Variants in GALNT15 observed in about 807,000 individuals in gnomAD.
The protein encoded by GALNT15 is UDP-GalNAc transferase T15.
Under a neutral mutation model 66.8 loss-of-function variants are expected in GALNT15, and 67 were observed. That is an observed-to-expected ratio of 1.00 (90% confidence interval 0.82 to 1.23). GALNT15 has a LOEUF of 1.23. GALNT15 is among the 50% of genes most tolerant of loss of function. GALNT15 has a pLI of 0.00. For missense variants in GALNT15, 827 were observed against 804.3 expected (o/e 1.03, Z -0.34); for synonymous variants, 313 against 311.5 (o/e 1.00, Z -0.05).
chr3:16,228,880 T>C lies in GALNT15; in HGVS notation c.*1380T>C, dbSNP rs1434325714. ...CCCCCAAATGTGTCCACAGGTTGAA[T>C]GTCCATGAGTGTGGGAAGAACACGG... On this transcript the variant is annotated 3_prime_UTR_variant, in exon 10 of 10. Coordinates refer to ENST00000339732, the MANE Select transcript of GALNT15 (RefSeq NM_054110.5). The C allele has an allele frequency of 3.0e-6, 3 of 985,324 alleles. No homozygotes were observed. Among genetic ancestry groups the C allele is most frequent in the African/African-American group, 3.5e-5 (2 of 57,248 alleles). The allele number at this position is 985,324 out of a possible 1,614,324, so 61.0% of individuals were successfully genotyped here.
rs1440205601 is a variant in GALNT15 at position 16,212,582 on chromosome 3, G to A, written c.1211G>A (p.Gly404Asp). 8 of 1,613,480 alleles carry A rather than the reference G, an allele frequency of 5.0e-6. No homozygotes were observed. Among genetic ancestry groups the A allele is most frequent in the Non-Finnish European group, 6.8e-6 (8 of 1,179,736 alleles). Residue 404 changes from glycine (G) to aspartate (D), a missense_variant, in exon 6 of 10, where the codon GGT becomes GAT. Physicochemically the swap from Gly to Asp is moderately conservative, Grantham distance 94. Transcript: ENST00000339732. ...LELSFKAWLC[G>D]GSVEILPCSR... is the part of the protein sequence containing the mutation. ...CCTTCGTGGCAGGCCTGGCTCTGTG[G>A]TGGCTCTGTTGAAATCCTTCCCTGC...
the GALNT15 span, among the ~76,000 whole-genome samples, chr3:16,247,470 T>A: frequency 0.096 from 14,600 of 152,174 alleles, 1,301 homozygotes; most frequent in African/African-American, 0.25. Flanking sequence ...CAGCCCTAAT[T>A]GGTTAGCTTG....
chr3:16,185,444 C>T (rs929109293), intron 1 of GALNT15, among the ~76,000 whole-genome samples: 2 of 152,176 alleles, frequency 1.3e-5, no homozygotes, highest in East Asian at 3.8e-4. Flanking sequence ...ACAACATCCT[C>T]AATAAGTTCC....
At chr3:16,244,478 C>T in the GALNT15 span, among the ~76,000 whole-genome samples, 49 of 152,230 alleles carry the variant, frequency 3.2e-4, no homozygotes, top group Non-Finnish European at 6.6e-4. Context: ...ACCACTGCTA[C>T]ACTGATCAAT....
chr3:16,231,930 T>A, downstream of GALNT15: 1 of 1,533,824 alleles, frequency 6.5e-7, no homozygotes, highest in Non-Finnish European at 8.7e-7. The surrounding 1 kb of genome is among the most constrained non-coding windows in gnomAD (Gnocchi z 4.1). Flanking sequence ...CACTCTCCTC[T>A]AGGCACAGAT....
downstream of GALNT15, among the ~76,000 whole-genome samples, chr3:16,235,468 T>A (rs538555193): frequency 6.6e-6 from 1 of 152,206 alleles, no homozygotes; most frequent in Non-Finnish European, 1.5e-5. Flanking sequence ...AAGTTAGGAG[T>A]GAAGTGCATG....
intron 1 of GALNT15, among the ~76,000 whole-genome samples, chr3:16,178,697 C>G (rs892118563): frequency 1.3e-5 from 2 of 152,222 alleles, no homozygotes; most frequent in African/African-American, 2.4e-5. Context: ...GGTGACAGGA[C>G]TCTTCGGCTC....
chr3:16,221,194 T>G (rs78245937), intron 8 of GALNT15, among the ~76,000 whole-genome samples: 1 of 140,970 alleles, frequency 7.1e-6, no homozygotes, highest in African/African-American at 2.6e-5. Flanking sequence ...AAAAAAAAAA[T>G]AAAGAAACAA....
At chr3:16,235,377 A>G (rs1995586), downstream of GALNT15, among the ~76,000 whole-genome samples, 14,277 of 152,208 alleles carry the variant, frequency 0.094, 704 homozygotes, top group Non-Finnish European at 0.11. Flanking sequence ...CGGCCTCACA[A>G]AAAATGTTCC....
chr3:16,230,588 AGAAAAG>A (rs1341131486), downstream of GALNT15, among the ~76,000 whole-genome samples: 1 of 148,222 alleles, frequency 6.7e-6, no homozygotes, highest in Non-Finnish European at 1.5e-5. This position sits in a 1 kb window ranked among gnomAD's most constrained non-coding sequence, Gnocchi z 4.5. Context: ...TCAAAAAAAA[AGAAAAG>A]AAAAAAACAA....
the GALNT15 span, among the ~76,000 whole-genome samples, chr3:16,239,997 T>A: frequency 6.6e-6 from 1 of 152,254 alleles, no homozygotes; most frequent in African/African-American, 2.4e-5. This position sits in a 1 kb window ranked among gnomAD's most constrained non-coding sequence, Gnocchi z 5.2. Context: ...ATAAGACAGA[T>A]GCTTAAGACA....
chr3:16,234,740 A>G (rs2064115848), downstream of GALNT15, among the ~76,000 whole-genome samples: 1 of 152,182 alleles, frequency 6.6e-6, no homozygotes, highest in Non-Finnish European at 1.5e-5. Context: ...TCTAAGAGTT[A>G]TCTTTCTTAT....
At chr3:16,196,446 C>T (rs2063638772) in intron 2 of GALNT15, among the ~76,000 whole-genome samples, 1 of 152,138 alleles carries the variant, frequency 6.6e-6, no homozygotes, top group Non-Finnish European at 1.5e-5. Context: ...CAGCCAAAAG[C>T]AGCAGAGTCA....
intron 3 of GALNT15, among the ~76,000 whole-genome samples, chr3:16,207,464 A>G (rs964957422): frequency 6.9e-6 from 1 of 143,936 alleles, no homozygotes; most frequent in African/African-American, 2.6e-5. Context: ...ACCCATGTCA[A>G]TTTCTCACAT....
chr3:16,215,632 C>T (rs1224740435), intron 6 of GALNT15, among the ~76,000 whole-genome samples: 1 of 152,132 alleles, frequency 6.6e-6, no homozygotes, highest in South Asian at 2.1e-4. Flanking sequence ...AGGTGCTCGG[C>T]TGGGCACAGT....
At position 16,211,827 on chromosome 3, in the gene GALNT15, T is replaced by C. The variant is rs2063818000; in HGVS notation, c.1197+586T>C. ...AGAGATCTAATGCTGAAAGTGTGAATTACCTGACGCTTGTATTCTGCATGA... is the reference window on the plus strand; with the variant it reads ...AGAGATCTAATGCTGAAAGTGTGAACTACCTGACGCTTGTATTCTGCATGA... On this transcript the variant is annotated intron_variant, in intron 5 of 9. Coordinates refer to ENST00000339732, the MANE Select transcript of GALNT15 (RefSeq NM_054110.5). The surrounding 1 kb of genome is among the most constrained non-coding windows in gnomAD (Gnocchi z 4.3). Among the ~76,000 whole-genome samples the C allele has an allele frequency of 6.6e-6, 1 of 152,194 alleles. No homozygotes were observed. The highest frequency in any genetic ancestry group is 2.4e-5 in the African/African-American group (1 of 41,444).
rs1389777087 is a variant in GALNT15 at position 16,193,114 on chromosome 3, T to C, written c.540-2646T>C. Among the ~76,000 whole-genome samples the C allele has an allele frequency of 6.6e-6, 1 of 152,182 alleles. No homozygotes were observed. The highest frequency in any genetic ancestry group is 1.5e-5 in the Non-Finnish European group (1 of 68,022). On this transcript the variant is annotated intron_variant, in intron 1 of 9. Transcript: ENST00000339732. The surrounding 1 kb of genome is among the most constrained non-coding windows in gnomAD (Gnocchi z 4.7). ...TCTTAAACGATTTCAAAATAAAAAG[T>C]GGTAAAGTGGGAATTGAAAGAAAAA...
chr3:16,179,464 C>T (rs539727790), intron 1 of GALNT15, among the ~76,000 whole-genome samples: 6 of 152,248 alleles, frequency 3.9e-5, no homozygotes, highest in East Asian at 1.9e-4. Flanking sequence ...GAGACAGTTG[C>T]GGAAATGCTT....
At position 16,191,362 on chromosome 3, in the gene GALNT15, C is replaced by T. The variant is rs573233485; in HGVS notation, c.540-4398C>T. 6.9e-5 allele frequency: 68 copies of T among 981,824 alleles called. No individual in the cohort carries two copies. The East Asian group carries it at 4.3e-3, about 62-fold the overall frequency. The allele number at this position is 981,824 out of a possible 1,614,324, so 60.8% of individuals were successfully genotyped here. On this transcript the variant is annotated intron_variant, in intron 1 of 9. Coordinates refer to ENST00000339732, the MANE Select transcript of GALNT15 (RefSeq NM_054110.5). The surrounding 1 kb of genome is among the most constrained non-coding windows in gnomAD (Gnocchi z 5.2). ...GACATCTGTTAATAATGGCAGCAAACGCATGGTGCTCACTCTGTGCCACCC... is the reference window on the plus strand; with the variant it reads ...GACATCTGTTAATAATGGCAGCAAATGCATGGTGCTCACTCTGTGCCACCC...
Sources: gnomAD v4.1 joint callset for allele counts (sites outside exome capture counted in the v4.1 genomes callset) on GRCh38, gnomAD v4.1.1 for gene constraint, Gnocchi (gnomAD v3.1) non-coding constraint, MANE v1.5 for transcripts, NCBI Gene and HGNC (gene_info 2026-07-23, HGNC 2026-07-21) for gene names.